Variants in PTPRD observed in about 807,000 individuals in gnomAD.
PTPRD encodes protein tyrosine phosphatase receptor type D.
Under a neutral mutation model 214.5 loss-of-function variants are expected in PTPRD, and 34 were observed. The ratio of observed to expected loss-of-function variants is 0.16; its 90% confidence interval spans 0.12 to 0.21. PTPRD has a LOEUF of 0.21. Ranked by LOEUF, PTPRD falls within the 10% of genes least tolerant of loss-of-function variation. PTPRD has a pLI of 1.00. For missense variants in PTPRD, 2,545 were observed against 2,398.7 expected (o/e 1.06, Z -1.27); for synonymous variants, 1,128 against 845.7 (o/e 1.33, Z -5.79).
intron 5 of PTPRD, among the ~76,000 whole-genome samples, chr9:9,774,186 A>G (rs1597408068): frequency 6.6e-6 from 1 of 152,188 alleles, no homozygotes; most frequent in Non-Finnish European, 1.5e-5. Flanking sequence ...ATGAATCTTC[A>G]GGTGCTACTT....
chr9:8,690,847 T>C (rs941409188), intron 12 of PTPRD, among the ~76,000 whole-genome samples: 22 of 152,166 alleles, frequency 1.4e-4, no homozygotes, highest in Admixed American at 1.4e-3. Flanking sequence ...CCAAAGGACT[T>C]TGAATATTCA....
intron 8 of PTPRD, among the ~76,000 whole-genome samples, chr9:9,427,983 G>A (rs2142998106): frequency 6.6e-6 from 1 of 152,244 alleles, no homozygotes; most frequent in East Asian, 1.9e-4. Context: ...GACCATCAAT[G>A]CTAGGAAGAA....
At chr9:8,501,502 T>C (rs954377418) in intron 23 of PTPRD, among the ~76,000 whole-genome samples, 2 of 152,178 alleles carry the variant, frequency 1.3e-5, no homozygotes, top group African/African-American at 2.4e-5. Context: ...TTCTATATTC[T>C]AGAATGAGGA....
At chr9:9,126,704 T>C (rs1015319322) in intron 10 of PTPRD, among the ~76,000 whole-genome samples, 1 of 152,190 alleles carries the variant, frequency 6.6e-6, no homozygotes, top group Admixed American at 6.6e-5. Context: ...AAATAATTGA[T>C]GGTAAAGTGA....
At chr9:8,646,447 C>T (rs923930497) in intron 12 of PTPRD, among the ~76,000 whole-genome samples, 1 of 152,178 alleles carries the variant, frequency 6.6e-6, no homozygotes. Flanking sequence ...GAGCTGCTGT[C>T]AATCTATTTT....
intron 35 of PTPRD, among the ~76,000 whole-genome samples, chr9:8,414,275 C>G (rs2093734346): frequency 6.6e-6 from 1 of 152,136 alleles, no homozygotes; most frequent in Non-Finnish European, 1.5e-5. Context: ...CCATCTTTGA[C>G]TTTTTGTGCA....
intron 10 of PTPRD, among the ~76,000 whole-genome samples, chr9:9,053,777 G>A (rs2099691035): frequency 1.3e-5 from 2 of 152,128 alleles, no homozygotes. Flanking sequence ...GGATGTTATT[G>A]AAAATGTTGA....
At chr9:9,438,445 T>C (rs1047830880) in intron 8 of PTPRD, among the ~76,000 whole-genome samples, 2 of 152,242 alleles carry the variant, frequency 1.3e-5, no homozygotes, top group African/African-American at 2.4e-5. Flanking sequence ...GACTTCTTTC[T>C]AAATATGCAT....
Position 9,576,943 on chromosome 9 carries a change from T to C in PTPRD, c.-286-2162A>G, listed in dbSNP as rs368433029. On this transcript the variant is annotated intron_variant, in intron 7 of 45. Coordinates refer to ENST00000381196, the MANE Select transcript of PTPRD (RefSeq NM_002839.4). ...TAAAGAGATTTATGTCCTTTTGTTC[T>C]ATCTAGAATGTTTATCTATATTTGA... 1.7e-4 allele frequency among the ~76,000 whole-genome samples: 26 copies of C among 152,306 alleles called. 1 individual carries two copies. The highest frequency in any genetic ancestry group is 6.3e-4 in the African/African-American group (26 of 41,578).
At chr9:8,863,673 A>G (rs1055265584) in intron 11 of PTPRD, among the ~76,000 whole-genome samples, 11 of 152,230 alleles carry the variant, frequency 7.2e-5, no homozygotes, top group African/African-American at 2.6e-4. Context: ...ATTTTGCAGC[A>G]TTTTTAAAAA....
intron 2 of PTPRD, among the ~76,000 whole-genome samples, chr9:10,369,176 C>T (rs2097567009): frequency 6.6e-6 from 1 of 151,996 alleles, no homozygotes; most frequent in Admixed American, 6.6e-5. Flanking sequence ...ATTATTTTTC[C>T]TCTTAGGGTC....
rs188943191 is a variant in PTPRD at position 8,710,687 on chromosome 9, T to G, written c.64+23093A>C. The stretch of plus-strand genomic sequence containing the variant: ...TATCAAAAATGTGCCCTTTCATAAT[T>G]ATAAATGAGTTTTTATGTCAGAATT... On this transcript the variant is annotated intron_variant, in intron 12 of 45. Transcript: ENST00000381196. Among the ~76,000 whole-genome samples the G allele has an allele frequency of 2.5e-3, 379 of 152,262 alleles. 2 individuals carry two copies. Among genetic ancestry groups the G allele is most frequent in the African/African-American group, 6.7e-3 (277 of 41,550 alleles).
intron 4 of PTPRD, among the ~76,000 whole-genome samples, chr9:10,002,284 T>C (rs2096341625): frequency 6.8e-6 from 1 of 147,886 alleles, no homozygotes; most frequent in African/African-American, 2.5e-5. Context: ...ACAAAAAAAG[T>C]AAAATGGCAT....
At chr9:9,570,626 A>G (rs557617883) in intron 8 of PTPRD, among the ~76,000 whole-genome samples, 1 of 151,566 alleles carries the variant, frequency 6.6e-6, no homozygotes. Flanking sequence ...AAGTCTTAGA[A>G]CCAATCTTCA....
chr9:8,970,010 C>T (rs1043734272), intron 11 of PTPRD, among the ~76,000 whole-genome samples: 27 of 151,948 alleles, frequency 1.8e-4, no homozygotes, highest in African/African-American at 6.0e-4. Context: ...GTAGAAACCA[C>T]TAGATGAGTG....
intron 6 of PTPRD, among the ~76,000 whole-genome samples, chr9:9,736,971 C>T (rs942212390): frequency 6.6e-6 from 1 of 151,874 alleles, no homozygotes; most frequent in Non-Finnish European, 1.5e-5. Flanking sequence ...CTTATGTGTC[C>T]TGTTTATTAC....
At chr9:9,723,884 C>G (rs10977932) in intron 7 of PTPRD, among the ~76,000 whole-genome samples, 86,806 of 151,832 alleles carry the variant, frequency 0.57, 26,743 homozygotes, top group African/African-American at 0.78. Flanking sequence ...TTGCTGAACT[C>G]ATTAGTTCTG....
intron 4 of PTPRD, among the ~76,000 whole-genome samples, chr9:9,942,565 C>T (rs1048122437): frequency 6.6e-6 from 1 of 151,990 alleles, no homozygotes; most frequent in Non-Finnish European, 1.5e-5. Flanking sequence ...GATATAGTGC[C>T]CAATTTCCTT....
chr9:9,940,618 C>G (rs1198070654), intron 4 of PTPRD, among the ~76,000 whole-genome samples: 2 of 152,134 alleles, frequency 1.3e-5, no homozygotes, highest in Non-Finnish European at 2.9e-5. Flanking sequence ...AATCGCATAG[C>G]ATACCTGGAG....
Sources: allele counts gnomAD v4.1 joint callset (sites outside exome capture counted in the v4.1 genomes callset), GRCh38; gene constraint gnomAD v4.1.1; transcripts MANE v1.5; gene names NCBI Gene and HGNC (gene_info 2026-07-23, HGNC 2026-07-21).